Variants in CC2D2A observed in about 807,000 individuals in gnomAD.
CC2D2A encodes the protein coiled-coil and C2 domain-containing protein 2A.
In CC2D2A, 155 loss-of-function variants were observed where a neutral mutation model predicts 212.9. That is an observed-to-expected ratio of 0.73 (90% CI 0.64 to 0.83). The LOEUF is 0.83. Ranked by LOEUF, CC2D2A falls within the 40% of genes least tolerant of loss-of-function variation. The pLI is 0.00. For synonymous variants in CC2D2A, 667 were observed against 686.5 expected, an observed-to-expected ratio of 0.97 and a Z score of 0.44; for missense variants, 1,856 against 1,956.2, an observed-to-expected ratio of 0.95 and a Z score of 0.97.
At position 15,567,395 on chromosome 4, in the gene CC2D2A, G is replaced by A. The variant is rs73125627; in HGVS notation, c.3201G>A (p.Ser1067=). The A allele has an allele frequency of 0.24, 382,533 of 1,611,182 alleles. 47,548 individuals carry two copies. Among genetic ancestry groups the A allele is most frequent in the Non-Finnish European group, 0.25 (300,292 of 1,178,178 alleles). ...CTCCTAGCAAATTCCAGCAGCCGTC[G>A]AGGTCTTCAAGGATGTTCAGTGAAA... The part of the protein sequence containing the change: ...KPAVSKFQQP[S]RSSRMFSEKH... The change falls in exon 25 of 37, where the codon TCG becomes TCA. Residue 1067 remains serine (S), a synonymous_variant. Transcript: ENST00000424120.
intron 28 of CC2D2A, among the ~76,000 whole-genome samples, chr4:15,573,356 T>A (rs1720253367): frequency 6.6e-6 from 1 of 151,416 alleles, no homozygotes; most frequent in African/African-American, 2.4e-5. Context: ...AGTGGCGCCA[T>A]CTCGGCTCAC....
At position 15,599,660 on chromosome 4, in the gene CC2D2A, AAGATGACCAC is replaced by A. The variant is rs746469386; in HGVS notation, c.4632_4641del (p.Asp1544GlufsTer5). 6.2e-7 allele frequency: 1 copy of A among 1,613,746 alleles called. No individual in the cohort carries two copies. Among genetic ancestry groups the A allele is most frequent in the Admixed American group, 1.7e-5 (1 of 60,014 alleles). ...GAAAAAAGTCAAGGAGAAGATGTAG[AAGATGACCAC>A]AGAGCAGAACTGCTAAAACAGCTGG... On this transcript the variant is annotated frameshift_variant, in exon 36 of 37. Coordinates refer to ENST00000424120, the MANE Select transcript of CC2D2A (RefSeq NM_001378615.1). LOFTEE classifies it high-confidence loss of function.
chr4:15,475,363 G>A (rs546579238), intron 1 of CC2D2A, among the ~76,000 whole-genome samples: 1 of 152,252 alleles, frequency 6.6e-6, no homozygotes, highest in Non-Finnish European at 1.5e-5. Context: ...AGCCAATAGA[G>A]CAGGAAGAAA....
At chr4:15,512,024 C>G (rs1716594785) in intron 8 of CC2D2A, among the ~76,000 whole-genome samples, 1 of 151,984 alleles carries the variant, frequency 6.6e-6, no homozygotes, top group Non-Finnish European at 1.5e-5. Context: ...AATGAGATAC[C>G]CCTGCACATC....
chr4:15,511,103 C>T, intron 7 of CC2D2A, 144 bp from the exon 8 acceptor site: 1 of 878,538 alleles, frequency 1.1e-6, no homozygotes, highest in Non-Finnish European at 1.6e-6. Context: ...TACCAGTAGT[C>T]TCACACCTTT....
At chr4:15,560,034 G>A (rs367973891) in intron 22 of CC2D2A, among the ~76,000 whole-genome samples, 6 of 151,956 alleles carry the variant, frequency 3.9e-5, no homozygotes, top group East Asian at 1.9e-4. Context: ...GTTTTGCCAC[G>A]TGCCCCAGGC....
chr4:15,522,188 G>A (rs1443508245), intron 11 of CC2D2A, among the ~76,000 whole-genome samples: 1 of 152,212 alleles, frequency 6.6e-6, no homozygotes, highest in African/African-American at 2.4e-5. Context: ...TTGACAGAGC[G>A]AGACCTTGTC....
chr4:15,569,785 T>C (rs1026651391), intron 27 of CC2D2A, among the ~76,000 whole-genome samples: 5 of 152,232 alleles, frequency 3.3e-5, no homozygotes, highest in African/African-American at 1.2e-4. Flanking sequence ...TAAAGCAAAA[T>C]TAGGAATGCC....
At chr4:15,599,115 T>C (rs1018183753) in intron 35 of CC2D2A, among the ~76,000 whole-genome samples, 6 of 152,062 alleles carry the variant, frequency 3.9e-5, no homozygotes, top group Non-Finnish European at 7.4e-5. Context: ...GAGCTGTGAT[T>C]GTACCACTTC....
chr4:15,565,206 G>A (rs576090909), intron 24 of CC2D2A, among the ~76,000 whole-genome samples: 10 of 152,082 alleles, frequency 6.6e-5, no homozygotes, highest in Admixed American at 4.6e-4. Context: ...GAACATATAG[G>A]TGCTTCTTGT....
intron 33 of CC2D2A, among the ~76,000 whole-genome samples, chr4:15,593,129 A>G (rs1721184663): frequency 2.0e-5 from 3 of 152,206 alleles, no homozygotes; most frequent in East Asian, 1.9e-4. Flanking sequence ...TTAAGCTTTC[A>G]TCACTTTCTG....
At chr4:15,490,153 A>G (rs1435746715) in intron 4 of CC2D2A, among the ~76,000 whole-genome samples, 1 of 152,230 alleles carries the variant, frequency 6.6e-6, no homozygotes, top group Non-Finnish European at 1.5e-5. Flanking sequence ...ATATTGAAAT[A>G]TAACTTACAT....
chr4:15,564,717 T>G (rs1719802029), intron 24 of CC2D2A, among the ~76,000 whole-genome samples: 1 of 152,182 alleles, frequency 6.6e-6, no homozygotes, highest in Non-Finnish European at 1.5e-5. Context: ...CTCACTCTGT[T>G]GCCCAGGCTG....
chr4:15,565,843 C>T (rs530077099), intron 24 of CC2D2A, among the ~76,000 whole-genome samples: 60 of 152,232 alleles, frequency 3.9e-4, no homozygotes, highest in African/African-American at 1.4e-3. Flanking sequence ...AACTCCTGGG[C>T]TCAAGCGATT....
intron 17 of CC2D2A, 123 bp from the exon 18 acceptor site, chr4:15,550,701 T>G: frequency 2.4e-4 from 142 of 584,786 alleles, no homozygotes; most frequent in South Asian, 3.9e-4. Flanking sequence ...CTTTCCACAA[T>G]GAGATGAGCC....
intron 11 of CC2D2A, among the ~76,000 whole-genome samples, chr4:15,518,410 C>T (rs948089695): frequency 7.2e-5 from 11 of 152,230 alleles, no homozygotes; most frequent in African/African-American, 2.7e-4. Flanking sequence ...TCCCTCCTGG[C>T]TGCTTTCATG....
chr4:15,500,101 GTGTGTGTATA>G (rs1408345636), intron 4 of CC2D2A, among the ~76,000 whole-genome samples: 16 of 71,122 alleles, frequency 2.2e-4, no homozygotes, highest in African/African-American at 5.9e-4. Context: ...GTGTGTGTGT[GTGTGTGTATA>G]TATATATATA....
Position 15,527,507 on chromosome 4 carries a change from T to G in CC2D2A, c.1210T>G (p.Phe404Val). 6.2e-7 allele frequency: 1 copy of G among 1,613,710 alleles called. No individual in the cohort carries two copies. The highest frequency in any genetic ancestry group is 8.5e-7 in the Non-Finnish European group (1 of 1,179,726). Residue 404 changes from phenylalanine (F) to valine (V), a missense_variant, in exon 12 of 37, where the codon TTC becomes GTC. Phe to Val is a conservative substitution (Grantham distance 50). Coordinates refer to ENST00000424120, the MANE Select transcript of CC2D2A (RefSeq NM_001378615.1). Reference sequence around the variant, plus strand: ...CAGATCTGGAGACCCTCCTGGAAATTTCCAACTGGACATTGATATTTCAGG... The same window carrying G: ...CAGATCTGGAGACCCTCCTGGAAATGTCCAACTGGACATTGATATTTCAGG... ...VIRSGDPPGN[F>V]QLDIDISGLI... is the part of the protein sequence containing the mutation.
intron 30 of CC2D2A, among the ~76,000 whole-genome samples, chr4:15,581,225 TTTTTA>T (rs1431252715): frequency 2.6e-5 from 4 of 152,240 alleles, no homozygotes; most frequent in African/African-American, 9.6e-5. Flanking sequence ...TTTCATTTGC[TTTTTA>T]TATTACACAA....
Sources: allele counts gnomAD v4.1 joint callset (sites outside exome capture counted in the v4.1 genomes callset), GRCh38; gene constraint gnomAD v4.1.1; transcripts MANE v1.5; gene names NCBI Gene and HGNC (gene_info 2026-07-23, HGNC 2026-07-21).